PREP: variants seen among roughly 807,000 people sequenced by gnomAD.
The protein encoded by PREP is prolyl endopeptidase.
A neutral mutation model predicts 87.6 loss-of-function variants in PREP; 29 were observed. The ratio of observed to expected loss-of-function variants is 0.33; its 90% CI spans 0.25 to 0.45. The LOEUF (loss-of-function observed/expected upper bound fraction) is 0.45. Among genes scored for constraint, PREP ranks in the 20% least tolerant of loss-of-function variants. The pLI, the probability that PREP is intolerant of heterozygous loss-of-function variation, is 1.00. For synonymous variants in PREP, 337 were observed against 328.6 expected (o/e 1.03, Z -0.28); for missense variants, 695 against 886.5 (o/e 0.78, Z 2.74).
At chr6:105,323,571 A>G in intron 10 of PREP, 94 bp downstream of exon 10, 1 of 1,120,262 alleles carries the variant, frequency 8.9e-7, no homozygotes, top group Non-Finnish European at 1.3e-6. Context: ...GTCATGAATT[A>G]CCTCCACTGC....
intron 4 of PREP, among the ~76,000 whole-genome samples, chr6:105,375,752 A>C (rs1382563598): frequency 2.0e-5 from 3 of 152,254 alleles, no homozygotes; most frequent in Non-Finnish European, 4.4e-5. Flanking sequence ...TTATAGTTGG[A>C]ATAATCTTTG....
At chr6:105,298,008 C>T (rs1473243019) in intron 10 of PREP, 1 of 152,248 alleles carries the variant, frequency 6.6e-6, no homozygotes, top group Non-Finnish European at 1.5e-5. Context: ...TTCAAACTCA[C>T]AGTTAGTTCT....
rs186980607 is a variant in PREP, at chr6:105,274,640, C to T, written c.*3504G>A. 4.5e-4 allele frequency among the ~76,000 whole-genome samples: 69 copies of T among 152,188 alleles called. No homozygotes were observed. Among genetic ancestry groups the T allele is most frequent in the Non-Finnish European group, 7.6e-4 (52 of 67,998 alleles). ...AAGATTAGCCGGGAATGATGGTATG[C>T]GCCTGTAATACCAGCTACTGGGAAG... On this transcript the variant is annotated 3_prime_UTR_variant, in exon 15 of 15. Coordinates refer to ENST00000652536, the MANE Select transcript of PREP (RefSeq NM_002726.5).
intron 7 of PREP, among the ~76,000 whole-genome samples, chr6:105,342,790 G>A (rs2114671319): frequency 6.6e-6 from 1 of 152,306 alleles, no homozygotes; most frequent in African/African-American, 2.4e-5. Context: ...TTGCTACAAA[G>A]AGAATAAAAT....
At chr6:105,357,209 T>C (rs1772121868) in intron 6 of PREP, among the ~76,000 whole-genome samples, 1 of 152,226 alleles carries the variant, frequency 6.6e-6, no homozygotes, top group Non-Finnish European at 1.5e-5. Context: ...TACTACTTCA[T>C]ACTTTTGTTC....
At chr6:105,393,408 G>A (rs1297412412) in intron 2 of PREP, among the ~76,000 whole-genome samples, 1 of 152,086 alleles carries the variant, frequency 6.6e-6, no homozygotes, top group Non-Finnish European at 1.5e-5. Context: ...AGGGGGTAGA[G>A]GGAGAGTTGA....
rs1179481820 is a variant in PREP, at chr6:105,277,476, CAACT to C, written c.*664_*667del. 1 of 152,014 alleles carries C rather than the reference CAACT, an allele frequency of 6.6e-6. No individual in the cohort carries two copies. The highest frequency in any genetic ancestry group is 2.4e-5 in the African/African-American group (1 of 41,306). 9.4% of individuals were successfully genotyped at this position (152,014 alleles called of 1,614,324 possible). A position where few individuals can be genotyped will look rare whatever the true frequency, so the allele number is the denominator to read the frequency against. On this transcript the variant is annotated 3_prime_UTR_variant, in exon 15 of 15. Coordinates refer to ENST00000652536, the MANE Select transcript of PREP (RefSeq NM_002726.5). ...AAGAGCCCCAGATCAGATTTTTACC[CAACT>C]AAGTGGTCAGTGTTTGTTTATGACA...
chr6:105,387,818 T>C (rs1036906000), intron 2 of PREP, among the ~76,000 whole-genome samples: 1 of 152,150 alleles, frequency 6.6e-6, no homozygotes, highest in Non-Finnish European at 1.5e-5. Flanking sequence ...CTCCAATCTC[T>C]AGCAGCTCAG....
chr6:105,396,950 G>A (rs1056416271), intron 2 of PREP, among the ~76,000 whole-genome samples: 10 of 152,050 alleles, frequency 6.6e-5, no homozygotes, highest in South Asian at 2.1e-4. Context: ...TTGGGAGGCC[G>A]AGGCGGGAGG....
At chr6:105,282,777 G>A (rs1467632611) in intron 12 of PREP, among the ~76,000 whole-genome samples, 195 bp from the exon 13 acceptor site, 2 of 152,152 alleles carry the variant, frequency 1.3e-5, no homozygotes, top group African/African-American at 2.4e-5. Context: ...ATACCACAAT[G>A]CTAATCCATA....
intron 7 of PREP, among the ~76,000 whole-genome samples, chr6:105,351,358 C>T (rs746873975): frequency 2.6e-5 from 4 of 152,138 alleles, no homozygotes; most frequent in Non-Finnish European, 4.4e-5. Context: ...TCATTCTTAG[C>T]TACACTATCT....
At chr6:105,329,113 C>T in intron 8 of PREP, 87 bp from the exon 9 acceptor site, 1 of 1,250,346 alleles carries the variant, frequency 8.0e-7, no homozygotes, top group Non-Finnish European at 1.1e-6. Context: ...CAGAGCTACA[C>T]ATAGGGCTAT....
intron 2 of PREP, among the ~76,000 whole-genome samples, chr6:105,397,005 GA>G (rs1773301279): frequency 6.6e-6 from 1 of 151,976 alleles, no homozygotes; most frequent in African/African-American, 2.4e-5. Flanking sequence ...CCAACATGGT[GA>G]AACCCCCGTC....
chr6:105,296,603 AACT>A (rs1770418151), intron 10 of PREP, among the ~76,000 whole-genome samples: 1 of 152,156 alleles, frequency 6.6e-6, no homozygotes, highest in Admixed American at 6.5e-5. Flanking sequence ...CCAAATGGCC[AACT>A]ATTATACACC....
At chr6:105,333,911 A>G (rs1278281488) in intron 7 of PREP, among the ~76,000 whole-genome samples, 1 of 152,152 alleles carries the variant, frequency 6.6e-6, no homozygotes, top group Non-Finnish European at 1.5e-5. Context: ...ACCCCCAGGC[A>G]ACATCTGAAA....
intron 10 of PREP, among the ~76,000 whole-genome samples, chr6:105,314,574 C>A (rs2114637354): frequency 6.6e-6 from 1 of 152,324 alleles, no homozygotes; most frequent in South Asian, 2.1e-4. Context: ...GGCAACTCCT[C>A]ATCCATTCAA....
chr6:105,288,217 A>C lies in PREP; in HGVS notation c.1454+541T>G, dbSNP rs572110738. ...GCCATAGCCTCCCAATCCAGTTCCC[A>C]AACAACCTGTTACACTGAGGACATT... On this transcript the variant is annotated intron_variant, in intron 11 of 14. Coordinates refer to ENST00000652536, the MANE Select transcript of PREP (RefSeq NM_002726.5). Among the ~76,000 whole-genome samples the C allele has an allele frequency of 5.3e-5, 8 of 152,310 alleles. No homozygotes were observed. The East Asian group carries it at 5.8e-4, about 11-fold the overall frequency.
At chr6:105,342,925 C>A (rs1228425377) in intron 7 of PREP, among the ~76,000 whole-genome samples, 71 of 137,658 alleles carry the variant, frequency 5.2e-4, no homozygotes, top group African/African-American at 1.2e-3. Context: ...TAGGAAGAAT[C>A]AATATTGTGA....
intron 10 of PREP, among the ~76,000 whole-genome samples, chr6:105,315,543 C>T (rs1315404563): frequency 6.6e-6 from 1 of 152,152 alleles, no homozygotes; most frequent in Admixed American, 6.5e-5. Context: ...CTTAAAATCA[C>T]CAGCTGCATT....
Sources: gnomAD v4.1 joint callset for allele counts (sites outside exome capture counted in the v4.1 genomes callset) on GRCh38, gnomAD v4.1.1 for gene constraint, MANE v1.5 for transcripts, NCBI Gene and HGNC (gene_info 2026-07-23, HGNC 2026-07-21) for gene names.